The following CPEB3 variants were observed in gnomAD, a reference collection of about 807,000 sequenced individuals.
CPEB3 encodes the protein cytoplasmic polyadenylation element binding protein 3, also known as cytoplasmic polyadenylation element-binding protein 3.
Under a neutral mutation model 67.2 loss-of-function variants are expected in CPEB3, and 20 were observed. The ratio of observed to expected loss-of-function variants is 0.30; its 90% CI spans 0.21 to 0.43. The LOEUF (loss-of-function observed/expected upper bound fraction) is 0.43, where lower values mean the gene tolerates loss of function less well. Ranked by LOEUF, CPEB3 falls within the 20% of genes least tolerant of loss-of-function variation. CPEB3 has a pLI of 1.00. For synonymous variants in CPEB3, 376 were observed against 393.1 expected (o/e 0.96, Z 0.51); for missense variants, 746 against 968.6 (o/e 0.77, Z 3.05).
At chr10:92,176,190 TA>T (rs1335731561) in intron 4 of CPEB3, among the ~76,000 whole-genome samples, 1 of 152,376 alleles carries the variant, frequency 6.6e-6, no homozygotes, top group Admixed American at 6.5e-5. Context: ...GAGATAAACT[TA>T]TATTTTTGAA....
At chr10:92,164,888 A>T (rs889397293) in intron 4 of CPEB3, among the ~76,000 whole-genome samples, 11 of 152,292 alleles carry the variant, frequency 7.2e-5, no homozygotes, top group Admixed American at 4.6e-4. Flanking sequence ...ATTTTATTTC[A>T]TTATTACTAA....
At chr10:92,216,436 G>C in intron 2 of CPEB3, 1 of 1,612,512 alleles carries the variant, frequency 6.2e-7, no homozygotes, top group Non-Finnish European at 8.5e-7. Context: ...ACCCCATCGC[G>C]CAGCTCCTGG....
chr10:92,288,608 T>G (rs1016230869), intron 1 of CPEB3, among the ~76,000 whole-genome samples: 1 of 152,228 alleles, frequency 6.6e-6, no homozygotes, highest in South Asian at 2.1e-4. Context: ...AGGATTTTTT[T>G]CTACTTTAAA....
At chr10:92,150,058 G>C (rs1039339527) in intron 4 of CPEB3, among the ~76,000 whole-genome samples, 1 of 152,148 alleles carries the variant, frequency 6.6e-6, no homozygotes, top group South Asian at 2.1e-4. Flanking sequence ...TGAAGTGCTG[G>C]CAGAACAAAA....
intron 4 of CPEB3, among the ~76,000 whole-genome samples, chr10:92,153,959 T>G: frequency 6.6e-6 from 1 of 152,152 alleles, no homozygotes; most frequent in East Asian, 1.9e-4. Context: ...TTTTCTCATT[T>G]GCATTGTTAA....
intron 1 of CPEB3, among the ~76,000 whole-genome samples, chr10:92,271,939 G>C (rs1853325025): frequency 6.6e-6 from 1 of 151,762 alleles, no homozygotes; most frequent in Non-Finnish European, 1.5e-5. Context: ...TATAAGGAAG[G>C]GTTTTTCCTC....
intron 1 of CPEB3, among the ~76,000 whole-genome samples, chr10:92,277,536 T>C (rs1842045964): frequency 6.6e-6 from 1 of 152,198 alleles, no homozygotes; most frequent in Non-Finnish European, 1.5e-5. Flanking sequence ...TCTTGATTAT[T>C]GTAGCTTAAT....
intron 1 of CPEB3, among the ~76,000 whole-genome samples, chr10:92,245,093 T>C (rs1247426442): frequency 6.6e-6 from 1 of 151,890 alleles, no homozygotes; most frequent in African/African-American, 2.4e-5. Context: ...TCTTTGTTTC[T>C]AGTTATTTCT....
At chr10:92,233,854 A>G (rs1851392952) in intron 2 of CPEB3, among the ~76,000 whole-genome samples, 2 of 152,298 alleles carry the variant, frequency 1.3e-5, no homozygotes, top group South Asian at 2.1e-4. Flanking sequence ...TCATGCCGGT[A>G]ATCCCAGCAC....
intron 4 of CPEB3, among the ~76,000 whole-genome samples, chr10:92,148,863 T>G (rs1016716011): frequency 1.3e-5 from 2 of 152,076 alleles, no homozygotes; most frequent in Admixed American, 6.6e-5. Context: ...GGAAAATTAT[T>G]TTCCCATTTT....
intron 8 of CPEB3, among the ~76,000 whole-genome samples, chr10:92,089,502 T>A (rs1412678189): frequency 6.6e-6 from 1 of 152,076 alleles, no homozygotes; most frequent in Non-Finnish European, 1.5e-5. Flanking sequence ...AAAAGAGAAC[T>A]TCGGCTGGGC....
intron 4 of CPEB3, among the ~76,000 whole-genome samples, chr10:92,171,103 T>C (rs1421346156): frequency 6.6e-6 from 1 of 152,180 alleles, no homozygotes; most frequent in Admixed American, 6.5e-5. Flanking sequence ...CTTCTCTCTA[T>C]CAACAAGGCT....
intron 4 of CPEB3, among the ~76,000 whole-genome samples, chr10:92,167,357 C>T (rs1386615198): frequency 1.3e-5 from 2 of 152,236 alleles, no homozygotes; most frequent in East Asian, 3.8e-4. Context: ...ATGCCTTCTT[C>T]ATTAAGCTTA....
intron 3 of CPEB3, among the ~76,000 whole-genome samples, chr10:92,191,011 T>G (rs1246715904): frequency 1.3e-5 from 2 of 152,228 alleles, no homozygotes; most frequent in African/African-American, 4.8e-5. Context: ...ATATGAGAAT[T>G]AGACGAATAA....
At chr10:92,185,232 T>C (rs925269517) in intron 3 of CPEB3, among the ~76,000 whole-genome samples, 2 of 152,220 alleles carry the variant, frequency 1.3e-5, no homozygotes, top group African/African-American at 4.8e-5. Context: ...CAGCTAGCTA[T>C]CTTTTAAGTA....
At chr10:92,182,726 T>C (rs1056637573) in intron 3 of CPEB3, among the ~76,000 whole-genome samples, 2 of 149,764 alleles carry the variant, frequency 1.3e-5, no homozygotes, top group East Asian at 3.9e-4. Context: ...CTTGGGAGGC[T>C]GAGGCAGGAG....
chr10:92,232,774 T>C (rs1464072819), intron 2 of CPEB3, among the ~76,000 whole-genome samples: 1 of 142,298 alleles, frequency 7.0e-6, no homozygotes, highest in Non-Finnish European at 1.5e-5. Context: ...AAAAAAAAAA[T>C]ACATCAAATT....
chr10:92,056,371 C>T (rs1267218303), intron 9 of CPEB3, among the ~76,000 whole-genome samples: 1 of 152,154 alleles, frequency 6.6e-6, no homozygotes, highest in Non-Finnish European at 1.5e-5. Context: ...TCCACCCGAC[C>T]CATGCCCCAC....
At chr10:92,153,505 G>A (rs1020337489) in intron 4 of CPEB3, among the ~76,000 whole-genome samples, 1 of 151,988 alleles carries the variant, frequency 6.6e-6, no homozygotes, top group East Asian at 1.9e-4. Flanking sequence ...ACTAGCATGG[G>A]CTGGGTGCAG....
Sources: allele counts gnomAD v4.1 joint callset (sites outside exome capture counted in the v4.1 genomes callset), GRCh38; gene constraint gnomAD v4.1.1; transcripts MANE v1.5; gene names NCBI Gene and HGNC (gene_info 2026-07-23, HGNC 2026-07-21).